BRD4: variants seen among roughly 807,000 people sequenced by gnomAD.
The protein encoded by BRD4 is bromodomain containing 4.
BRD4 carries 16 observed loss-of-function variants against 142.1 expected under a neutral mutation model. That is an observed-to-expected ratio of 0.11 (90% CI 0.08 to 0.17). The LOEUF is 0.17. Ranked by LOEUF, BRD4 falls within the 10% of genes least tolerant of loss-of-function variation. The pLI, the probability that BRD4 is intolerant of heterozygous loss-of-function variation, is 1.00. For synonymous variants in BRD4, 833 were observed against 707.5 expected (o/e 1.18, Z -2.82); for missense variants, 1,424 against 1,810.9 (o/e 0.79, Z 3.88).
intron 1 of BRD4, among the ~76,000 whole-genome samples, chr19:15,311,159 C>G (rs939936123): frequency 6.6e-6 from 1 of 151,838 alleles, no homozygotes; most frequent in African/African-American, 2.4e-5. Context: ...GGCATGGTGG[C>G]AAGGGGCCTG....
At chr19:15,244,159 T>A in intron 13 of BRD4, 72 bp downstream of exon 13, 1 of 1,533,754 alleles carries the variant, frequency 6.5e-7, no homozygotes, top group Non-Finnish European at 8.7e-7. Context: ...CCAGCCAGAG[T>A]GCTCGGACAC....
In BRD4 at chr19:15,235,538, A is replaced by C. The variant is rs960718800; in HGVS notation, c.*2839T>G. On this transcript the variant is annotated 3_prime_UTR_variant, in exon 20 of 20. Coordinates refer to ENST00000679869, the MANE Select transcript of BRD4 (RefSeq NM_001379291.1). The stretch of plus-strand genomic sequence containing the variant: ...GGAGAGTAACTTTATACTCAGTACA[A>C]ATGTTTATTTTTGCAATGAGAACTG... The C allele has an allele frequency of 6.6e-6, 1 of 151,234 alleles. No individual in the cohort carries two copies. Among genetic ancestry groups the C allele is most frequent in the African/African-American group, 2.4e-5 (1 of 41,008 alleles). 9.4% of individuals were successfully genotyped at this position (151,234 alleles called of 1,614,324 possible).
At chr19:15,250,116 G>A (rs936001576) in intron 11 of BRD4, among the ~76,000 whole-genome samples, 6 of 152,094 alleles carry the variant, frequency 3.9e-5, no homozygotes, top group East Asian at 1.9e-4. Flanking sequence ...CCCTGAGTGC[G>A]GGCATGGGAA....
At chr19:15,244,636 T>C in intron 12 of BRD4, 36 bp from the exon 13 acceptor site, 1 of 1,613,848 alleles carries the variant, frequency 6.2e-7, no homozygotes, top group Non-Finnish European at 8.5e-7. Context: ...GACAGGCTGA[T>C]GTCAGGCAGG....
In BRD4 at chr19:15,272,752, C is replaced by G. The variant is rs1265993913; in HGVS notation, c.285+63G>C. ...ACCCTCCCCCCAGGAACTGCCCTGA[C>G]CAGGAGACATGCAGGAGACGACCTC... On this transcript the variant is annotated intron_variant, in intron 2 of 19. Transcript: ENST00000679869. 3 of 1,511,072 alleles carry G rather than the reference C, an allele frequency of 2.0e-6. No individual in the cohort carries two copies. The African/African-American group carries it at 4.1e-5, about 21-fold the overall frequency. 93.6% of individuals were successfully genotyped at this position (1,511,072 alleles called of 1,614,324 possible). A position where few individuals can be genotyped will look rare whatever the true frequency, so the allele number is the denominator to read the frequency against.
Position 15,238,490 on chromosome 19 carries a change from C to A in BRD4, c.4021-45G>T. On this transcript the variant is annotated intron_variant, in intron 19 of 19. Transcript: ENST00000679869. The surrounding 1 kb of genome is among the most constrained non-coding windows in gnomAD (Gnocchi z 7.2). ...GGGAGTCAGGAGGATGACCTAGCCA[C>A]CCTGCAGCTACAAGCCCTCATACCC... The A allele has an allele frequency of 6.2e-7, 1 of 1,612,838 alleles. No individual in the cohort carries two copies. The highest frequency in any genetic ancestry group is 8.5e-7 in the Non-Finnish European group (1 of 1,179,630).
chr19:15,318,310 T>C (rs1277269203), intron 1 of BRD4, among the ~76,000 whole-genome samples: 1 of 152,196 alleles, frequency 6.6e-6, no homozygotes, highest in Non-Finnish European at 1.5e-5. Flanking sequence ...TGAAGGAGTC[T>C]GTAATAGGTG....
chr19:15,272,898 T>C lies in BRD4; in HGVS notation c.202A>G (p.Arg68Gly). The change falls in exon 2 of 20, where the codon AGA becomes GGA. Residue 68 changes from arginine (R) to glycine (G), a missense_variant. Transcript: ENST00000679869. ...RQTNQLQYLL[R>G]VVLKTLWKHQ... ...TTCCATAGTGTCTTGAGCACCACTC[T>C]GAGCAGGTATTGCAGTTGGTTGGTC... is the stretch of plus-strand genomic sequence containing the variant. 6.2e-7 allele frequency: 1 copy of C among 1,614,176 alleles called. No homozygotes were observed. The highest frequency in any genetic ancestry group is 8.5e-7 in the Non-Finnish European group (1 of 1,180,030).
intron 14 of BRD4, among the ~76,000 whole-genome samples, chr19:15,241,559 A>G (rs1327342081): frequency 6.6e-6 from 1 of 152,224 alleles, no homozygotes; most frequent in Non-Finnish European, 1.5e-5. Context: ...GGTCACGGCC[A>G]GGGACCTGAA....
In BRD4 at chr19:15,238,576, T is replaced by G. The variant is rs912490638; in HGVS notation, c.4021-131A>C. The G allele has an allele frequency of 2.3e-5, 35 of 1,526,072 alleles. No individual in the cohort carries two copies. The highest frequency in any genetic ancestry group is 3.0e-5 in the Non-Finnish European group (34 of 1,136,192). The allele number at this position is 1,526,072 out of a possible 1,614,324, so 94.5% of individuals were successfully genotyped here. The stretch of plus-strand genomic sequence containing the variant: ...CTGACCCCTCATAGCGCTCACCCCG[T>G]CCACACAGCACTCAGGGCCCTACAG... On this transcript the variant is annotated intron_variant, in intron 19 of 19. Transcript: ENST00000679869. The surrounding 1 kb of genome is among the most constrained non-coding windows in gnomAD (Gnocchi z 7.2).
chr19:15,285,340 T>C (rs1005078614), intron 1 of BRD4, among the ~76,000 whole-genome samples: 2 of 152,152 alleles, frequency 1.3e-5, no homozygotes, highest in South Asian at 2.1e-4. Flanking sequence ...AGTTCAGGAG[T>C]TCAGGCCCAG....
At position 15,264,501 on chromosome 19, in the gene BRD4, T is replaced by C; in HGVS notation, c.1115A>G (p.Tyr372Cys). Reference sequence around the variant, plus strand: ...CACAGGCTTGTAGAAGGGCCAGGCGTAGGCGGCGTGCTTCTTGGCAAACAT... The same window carrying C: ...CACAGGCTTGTAGAAGGGCCAGGCGCAGGCGGCGTGCTTCTTGGCAAACAT... ...KEMFAKKHAA[Y>C]AWPFYKPVDV... is the part of the protein sequence containing the mutation. Residue 372 changes from tyrosine (Y) to cysteine (C), a missense_variant, in exon 6 of 20, where the codon TAC becomes TGC. This residue lies in a region of BRD4 where 30 missense variants were observed against 65.2 expected (regional missense o/e 0.46). Coordinates refer to ENST00000679869, the MANE Select transcript of BRD4 (RefSeq NM_001379291.1). The C allele has an allele frequency of 6.2e-7, 1 of 1,614,136 alleles. No individual in the cohort carries two copies. Among genetic ancestry groups the C allele is most frequent in the Non-Finnish European group, 8.5e-7 (1 of 1,180,030 alleles).
chr19:15,307,718 G>A (rs1175645537), intron 1 of BRD4, among the ~76,000 whole-genome samples: 2 of 152,054 alleles, frequency 1.3e-5, no homozygotes, highest in African/African-American at 4.8e-5. Flanking sequence ...CAGGAGTTCT[G>A]GGCTATATTG....
At chr19:15,250,179 C>T (rs906072826) in intron 11 of BRD4, among the ~76,000 whole-genome samples, 1 of 152,166 alleles carries the variant, frequency 6.6e-6, no homozygotes, top group Non-Finnish European at 1.5e-5. Context: ...CAAGGCTCGC[C>T]CTCACCCGCC....
chr19:15,320,396 G>C (rs570340685), intron 1 of BRD4, among the ~76,000 whole-genome samples: 15 of 152,274 alleles, frequency 9.9e-5, no homozygotes, highest in African/African-American at 3.6e-4. Flanking sequence ...TGTACCTTTT[G>C]CAGGCACGGA....
rs751753874 is a variant in BRD4 at position 15,265,564 on chromosome 19, C to G, written c.639G>C (p.Pro213=). The part of the protein sequence containing the change: ...STPPQTQTPQ[P]NPPPVQATPH... Reference sequence around the variant, plus strand: ...GCGTGGCCTGCACAGGAGGAGGATTCGGCTGAGGGGTCTGGGTCTGCGGAG... The same window carrying G: ...GCGTGGCCTGCACAGGAGGAGGATTGGGCTGAGGGGTCTGGGTCTGCGGAG... The change falls in exon 5 of 20, where the codon CCG becomes CCC. Residue 213 remains proline (P), a synonymous_variant. Transcript: ENST00000679869. 1 of 1,613,900 alleles carries G rather than the reference C, an allele frequency of 6.2e-7. No individual in the cohort carries two copies. The highest frequency in any genetic ancestry group is 8.5e-7 in the Non-Finnish European group (1 of 1,179,990).
chr19:15,310,083 T>C (rs1163010797), intron 1 of BRD4, among the ~76,000 whole-genome samples: 1 of 151,962 alleles, frequency 6.6e-6, no homozygotes, highest in Admixed American at 6.6e-5. Context: ...CTTTTCAAGG[T>C]GACATCAAGA....
intron 1 of BRD4, among the ~76,000 whole-genome samples, chr19:15,298,230 T>A (rs567057023): frequency 1.3e-5 from 2 of 152,244 alleles, no homozygotes; most frequent in African/African-American, 4.8e-5. Context: ...TAAGCACTGA[T>A]GGAATATTTG....
chr19:15,330,373 T>C (rs2048146505), intron 1 of BRD4, among the ~76,000 whole-genome samples: 2 of 152,210 alleles, frequency 1.3e-5, no homozygotes, highest in Non-Finnish European at 2.9e-5. Context: ...GCTGAAGTTT[T>C]TGGGGGGAAG....
Sources: allele counts gnomAD v4.1 joint callset (sites outside exome capture counted in the v4.1 genomes callset), GRCh38; gene constraint gnomAD v4.1.1; regional missense constraint gnomAD v4.1.1; non-coding constraint Gnocchi (gnomAD v3.1); transcripts MANE v1.5; gene names NCBI Gene and HGNC (gene_info 2026-07-23, HGNC 2026-07-21).